Variants in HEMK2 observed in about 807,000 individuals in gnomAD.
HEMK2 encodes methyltransferase HEMK2.
chr21:28,860,609 T>C, the HEMK2 span, among the ~76,000 whole-genome samples: 1 of 152,136 alleles, frequency 6.6e-6, no homozygotes, highest in African/African-American at 2.4e-5. Flanking sequence ...AAGCAGATAC[T>C]GAGCCTCAAA....
chr21:28,832,950 G>C, the HEMK2 span, among the ~76,000 whole-genome samples: 5 of 152,192 alleles, frequency 3.3e-5, no homozygotes, highest in African/African-American at 1.2e-4. Flanking sequence ...GCTAGGTGTT[G>C]AACTAGTTAC....
At chr21:28,720,320 C>G in the HEMK2 span, among the ~76,000 whole-genome samples, 1 of 152,214 alleles carries the variant, frequency 6.6e-6, no homozygotes, top group Admixed American at 6.5e-5. Context: ...TTTGCTAATT[C>G]AGTGTTTACA....
chr21:28,709,394 GA>G, the HEMK2 span, among the ~76,000 whole-genome samples: 766 of 152,010 alleles, frequency 5.0e-3, 5 homozygotes, highest in African/African-American at 0.018. Context: ...GTAGATTCAG[GA>G]AGGGCTTAGG....
chr21:28,690,591 C>T, the HEMK2 span, among the ~76,000 whole-genome samples: 3 of 152,080 alleles, frequency 2.0e-5, no homozygotes, highest in Non-Finnish European at 2.9e-5. Flanking sequence ...CTCACCTGAA[C>T]CAAGAAGTAG....
the HEMK2 span, among the ~76,000 whole-genome samples, chr21:28,651,093 A>G: frequency 2.6e-5 from 4 of 152,196 alleles, no homozygotes; most frequent in African/African-American, 9.6e-5. Flanking sequence ...TTATTCAGGA[A>G]GATAGTTAGA....
chr21:28,618,771 C>T, the HEMK2 span, among the ~76,000 whole-genome samples: 6 of 152,188 alleles, frequency 3.9e-5, no homozygotes, highest in Admixed American at 6.5e-5. Context: ...GCACACAGCT[C>T]GCTCAATACT....
the HEMK2 span, chr21:28,882,886 A>T: frequency 1.3e-6 from 1 of 767,078 alleles, no homozygotes; most frequent in Non-Finnish European, 1.9e-6. Flanking sequence ...GCTATGCTTA[A>T]ATACTATAAG....
the HEMK2 span, among the ~76,000 whole-genome samples, chr21:28,715,538 T>C: frequency 1.3e-5 from 2 of 152,180 alleles, no homozygotes; most frequent in African/African-American, 4.8e-5. Context: ...TTCTGGATAT[T>C]AGACCTTTGT....
the HEMK2 span, among the ~76,000 whole-genome samples, chr21:28,844,318 T>A: frequency 2.6e-5 from 4 of 152,078 alleles, no homozygotes; most frequent in Non-Finnish European, 5.9e-5. Flanking sequence ...TTAGCCTAAT[T>A]CCATACTTCT....
chr21:28,604,158 G>A, the HEMK2 span, among the ~76,000 whole-genome samples: 1 of 152,174 alleles, frequency 6.6e-6, no homozygotes, highest in South Asian at 2.1e-4. Flanking sequence ...CAGAATCGGT[G>A]TTTAGACCCT....
the HEMK2 span, among the ~76,000 whole-genome samples, chr21:28,647,508 CAA>C: frequency 1.8e-5 from 2 of 111,862 alleles, no homozygotes; most frequent in Non-Finnish European, 1.7e-5. Flanking sequence ...AACTCCATCT[CAA>C]AAAAAAAAAA....
chr21:28,827,541 G>GT, the HEMK2 span, among the ~76,000 whole-genome samples: 2 of 152,070 alleles, frequency 1.3e-5, no homozygotes, highest in African/African-American at 2.4e-5. Context: ...TCAGCCCTGC[G>GT]TAACAAGCAG....
At chr21:28,662,664 T>G in the HEMK2 span, among the ~76,000 whole-genome samples, 74 of 152,276 alleles carry the variant, frequency 4.9e-4, no homozygotes, top group African/African-American at 1.6e-3. Flanking sequence ...TGACTTCTTA[T>G]GAGATCTGAT....
At chr21:28,726,532 G>A in the HEMK2 span, among the ~76,000 whole-genome samples, 74 of 152,216 alleles carry the variant, frequency 4.9e-4, no homozygotes, top group African/African-American at 1.7e-3. Flanking sequence ...AAATAGAATC[G>A]ATTTTATTAT....
chr21:28,584,355 C>A, the HEMK2 span, among the ~76,000 whole-genome samples: 2 of 152,158 alleles, frequency 1.3e-5, no homozygotes, highest in East Asian at 1.9e-4. Context: ...ATAATGGAAT[C>A]AGTACTTACT....
At chr21:28,594,316 C>G in the HEMK2 span, among the ~76,000 whole-genome samples, 2 of 151,978 alleles carry the variant, frequency 1.3e-5, no homozygotes, top group African/African-American at 4.8e-5. Context: ...GAAAGACTAA[C>G]GGAATCAAAA....
the HEMK2 span, among the ~76,000 whole-genome samples, chr21:28,656,704 C>T: frequency 1.6e-4 from 25 of 152,152 alleles, no homozygotes; most frequent in Admixed American, 8.5e-4. Flanking sequence ...AATCATCTGC[C>T]TCACAAAGGA....
chr21:28,869,094 A>G, the HEMK2 span, among the ~76,000 whole-genome samples: 3 of 151,838 alleles, frequency 2.0e-5, no homozygotes, highest in Non-Finnish European at 4.4e-5. Context: ...CAGTATTTCT[A>G]CTTTCAGAAT....
At chr21:28,706,420 T>C in the HEMK2 span, among the ~76,000 whole-genome samples, 10 of 152,202 alleles carry the variant, frequency 6.6e-5, no homozygotes, top group South Asian at 4.1e-4. Flanking sequence ...TCATGTCTTA[T>C]TTCACATGTA....
Sources: gnomAD v4.1 joint callset for allele counts (sites outside exome capture counted in the v4.1 genomes callset) on GRCh38, gnomAD v4.1.1 for gene constraint, MANE v1.5 for transcripts, NCBI Gene and HGNC (gene_info 2026-07-23, HGNC 2026-07-21) for gene names.